AP3B1: variants seen among roughly 807,000 people sequenced by gnomAD.
AP3B1 encodes adaptor related protein complex 3 subunit beta 1.
Under a neutral mutation model 132.5 loss-of-function variants are expected in AP3B1, and 61 were observed. That is an observed-to-expected ratio of 0.46 (90% CI 0.37 to 0.57). AP3B1 has a LOEUF of 0.57. Ranked by LOEUF, AP3B1 falls within the 20% of genes least tolerant of loss-of-function variation. The pLI is 0.00. For missense variants in AP3B1, 1,120 were observed against 1,289.4 expected (o/e 0.87, Z 2.01); for synonymous variants, 388 against 438.3 (o/e 0.89, Z 1.43).
intron 8 of AP3B1, 105 bp downstream of exon 8, chr5:78,181,402 C>A (rs750290393): frequency 8.3e-6 from 9 of 1,080,536 alleles, no homozygotes; most frequent in Non-Finnish European, 1.2e-5. Context: ...TGTAAACAAA[C>A]AAATGCTCCA....
intron 22 of AP3B1, among the ~76,000 whole-genome samples, chr5:78,058,254 C>A (rs1748896948): frequency 6.6e-6 from 1 of 152,170 alleles, no homozygotes; most frequent in South Asian, 2.1e-4. Context: ...GTAATCCCAG[C>A]ACTTTGGGAG....
chr5:78,143,049 A>G (rs2112330395), intron 14 of AP3B1, among the ~76,000 whole-genome samples: 1 of 152,302 alleles, frequency 6.6e-6, no homozygotes, highest in East Asian at 1.9e-4. Context: ...AAATAAGAAT[A>G]TATGTGCAAC....
intron 7 of AP3B1, among the ~76,000 whole-genome samples, chr5:78,212,104 A>AC (rs1431428032): frequency 6.6e-6 from 1 of 152,166 alleles, no homozygotes; most frequent in Non-Finnish European, 1.5e-5. Context: ...ACATGCCGAA[A>AC]CCCCATCTCT....
intron 7 of AP3B1, among the ~76,000 whole-genome samples, chr5:78,207,638 T>C (rs758690229): frequency 1.2e-4 from 19 of 152,106 alleles, no homozygotes; most frequent in Non-Finnish European, 4.4e-5. Context: ...GGAGATCATA[T>C]GGAATAACTC....
chr5:78,082,964 C>T (rs563372911), intron 22 of AP3B1, among the ~76,000 whole-genome samples: 50 of 152,150 alleles, frequency 3.3e-4, no homozygotes, highest in East Asian at 3.3e-3. Context: ...TACAGGCACA[C>T]GCCACCACCC....
At chr5:78,121,314 G>C (rs1162528947) in intron 17 of AP3B1, among the ~76,000 whole-genome samples, 1 of 152,050 alleles carries the variant, frequency 6.6e-6, no homozygotes, top group Admixed American at 6.6e-5. Context: ...ACATTCAAAA[G>C]CTAGCAGAAG....
intron 22 of AP3B1, among the ~76,000 whole-genome samples, chr5:78,040,470 G>A (rs77983350): frequency 3.3e-5 from 5 of 151,332 alleles, no homozygotes; most frequent in South Asian, 2.1e-4. Context: ...TTCCCCCTCC[G>A]AATATTTTCT....
chr5:78,254,440 T>C (rs1425807445), intron 2 of AP3B1, among the ~76,000 whole-genome samples: 1 of 152,004 alleles, frequency 6.6e-6, no homozygotes, highest in Non-Finnish European at 1.5e-5. Context: ...AGGTCAAGGA[T>C]AGAGAAAGGA....
intron 21 of AP3B1, among the ~76,000 whole-genome samples, chr5:78,095,756 G>A (rs1193255206): frequency 6.6e-6 from 1 of 152,156 alleles, no homozygotes; most frequent in East Asian, 1.9e-4. Context: ...AAAGTACCTT[G>A]CACTTAGCAG....
chr5:78,080,453 C>CTT (rs536764034), intron 22 of AP3B1, among the ~76,000 whole-genome samples: 3 of 138,194 alleles, frequency 2.2e-5, no homozygotes, highest in Admixed American at 7.2e-5. Flanking sequence ...TTCCAATTTT[C>CTT]TTTTTTTTTT....
chr5:78,041,322 C>T (rs1748077384), intron 22 of AP3B1, among the ~76,000 whole-genome samples: 1 of 151,528 alleles, frequency 6.6e-6, no homozygotes, highest in East Asian at 1.9e-4. Flanking sequence ...TTCGAGAGGC[C>T]GAGGTAGGAG....
intron 1 of AP3B1, among the ~76,000 whole-genome samples, chr5:78,278,395 C>CGAGACCA (rs1206932317): frequency 1.4e-5 from 2 of 138,714 alleles, no homozygotes; most frequent in Non-Finnish European, 3.3e-5. Context: ...GTCAGGAGAT[C>CGAGACCA]GAGACCATCC....
intron 21 of AP3B1, among the ~76,000 whole-genome samples, chr5:78,097,945 T>C (rs946415072): frequency 1.3e-5 from 2 of 152,224 alleles, no homozygotes; most frequent in African/African-American, 4.8e-5. Context: ...GAAAAATTCT[T>C]CTGCCTTGGG....
intron 14 of AP3B1, among the ~76,000 whole-genome samples, chr5:78,147,030 A>G (rs1318165810): frequency 2.0e-5 from 3 of 151,990 alleles, no homozygotes; most frequent in Non-Finnish European, 4.4e-5. Flanking sequence ...TATTTACTAA[A>G]TAAGTTTTTG....
At chr5:78,244,804 G>A (rs1312345148) in intron 2 of AP3B1, among the ~76,000 whole-genome samples, 1 of 152,118 alleles carries the variant, frequency 6.6e-6, no homozygotes, top group Non-Finnish European at 1.5e-5. Context: ...AGACCATCCT[G>A]GCCAACATGC....
intron 22 of AP3B1, among the ~76,000 whole-genome samples, chr5:78,082,972 C>T (rs540628780): frequency 2.6e-5 from 4 of 152,070 alleles, no homozygotes; most frequent in Admixed American, 1.3e-4. Context: ...CACGCCACCA[C>T]CCCAGGCTAA....
At chr5:78,119,192 A>C (rs1219656929) in intron 17 of AP3B1, among the ~76,000 whole-genome samples, 4 of 152,180 alleles carry the variant, frequency 2.6e-5, no homozygotes, top group African/African-American at 9.7e-5. Flanking sequence ...CCATCTGTAC[A>C]TCACCATCAT....
chr5:78,067,024 A>T (rs1749321766), intron 22 of AP3B1, among the ~76,000 whole-genome samples: 2 of 152,218 alleles, frequency 1.3e-5, no homozygotes, highest in Non-Finnish European at 2.9e-5. Flanking sequence ...ATTCTTAAAG[A>T]AAAGAATTTC....
chr5:78,208,245 T>C (rs1429829735), intron 7 of AP3B1, among the ~76,000 whole-genome samples: 4 of 152,138 alleles, frequency 2.6e-5, no homozygotes, highest in Non-Finnish European at 4.4e-5. Flanking sequence ...GGAACATATC[T>C]CCTGGGAAGA....
Sources: allele counts gnomAD v4.1 joint callset (sites outside exome capture counted in the v4.1 genomes callset), GRCh38; gene constraint gnomAD v4.1.1; transcripts MANE v1.5; gene names NCBI Gene and HGNC (gene_info 2026-07-23, HGNC 2026-07-21).